ERCC6L2: variants seen among roughly 807,000 people sequenced by gnomAD.
ERCC6L2 encodes ERCC excision repair 6 like 2.
A neutral mutation model predicts 132.0 loss-of-function variants in ERCC6L2; 77 were observed. That is an observed-to-expected ratio of 0.58 (90% CI 0.49 to 0.71). The LOEUF (loss-of-function observed/expected upper bound fraction) is 0.71, where lower values mean the gene tolerates loss of function less well. Among genes scored for constraint, ERCC6L2 ranks in the 30% least tolerant of loss-of-function variants. The pLI is 0.00. For synonymous variants in ERCC6L2, 583 were observed against 632.4 expected (o/e 0.92, Z 1.17); for missense variants, 1,542 against 1,837.6 (o/e 0.84, Z 2.94).
chr9:95,928,018 T>C (rs1292698917), intron 9 of ERCC6L2, 61 bp from the exon 10 acceptor site: 2 of 1,058,272 alleles, frequency 1.9e-6, no homozygotes, highest in East Asian at 2.4e-5. Flanking sequence ...GTGATGTTTA[T>C]ATGTATAAAG....
intron 2 of ERCC6L2, among the ~76,000 whole-genome samples, chr9:95,893,345 C>T (rs879224220): frequency 2.0e-5 from 3 of 152,182 alleles, no homozygotes; most frequent in Admixed American, 2.0e-4. Flanking sequence ...TTTCTGTGTT[C>T]TGTGTGCTAA....
At chr9:96,006,147 A>G (rs1356456392) in intron 18 of ERCC6L2, among the ~76,000 whole-genome samples, 5 of 152,208 alleles carry the variant, frequency 3.3e-5, no homozygotes, top group Admixed American at 3.3e-4. Flanking sequence ...TCATCAGCAT[A>G]GAGTTTATAA....
rs2133080742 is a variant in ERCC6L2, at chr9:95,972,484, TG to T, written c.2734del (p.Glu912ArgfsTer8). 3 of 1,289,742 alleles carry T rather than the reference TG, an allele frequency of 2.3e-6. No homozygotes were observed. The South Asian group carries it at 3.7e-5, about 16-fold the overall frequency. The allele number at this position is 1,289,742 out of a possible 1,614,324, so 79.9% of individuals were successfully genotyped here. The part of the protein sequence containing the change: ...DVICPTQYTT[E>X]RFPDNSIRFK... The stretch of plus-strand genomic sequence containing the variant: ...TCATCTGTCCTACACAATACACAAC[TG>T]AGAGATTCCCCGACAATAGTATAAG... On this transcript the variant is annotated frameshift_variant, in exon 16 of 19. Transcript: ENST00000653738. LOFTEE classifies it high-confidence loss of function.
chr9:95,945,964 A>G lies in ERCC6L2; in HGVS notation c.1847+4415A>G, dbSNP rs933708061. Among the ~76,000 whole-genome samples, 9 of 152,192 alleles carry G rather than the reference A, an allele frequency of 5.9e-5. 1 individual carries two copies. Among genetic ancestry groups the G allele is most frequent in the Admixed American group, 5.2e-4 (8 of 15,280 alleles). On this transcript the variant is annotated intron_variant, in intron 12 of 18. Coordinates refer to ENST00000653738, the MANE Select transcript of ERCC6L2 (RefSeq NM_020207.7). ...GACTCAGGTTTATGCTTATTATGAAACATATATGTAAATAAAAAAGACACA... is the reference window on the plus strand; with the variant it reads ...GACTCAGGTTTATGCTTATTATGAAGCATATATGTAAATAAAAAAGACACA...
intron 12 of ERCC6L2, among the ~76,000 whole-genome samples, chr9:95,942,914 A>G (rs1187235501): frequency 6.6e-6 from 1 of 152,194 alleles, no homozygotes; most frequent in Non-Finnish European, 1.5e-5. Context: ...GATTTATAAA[A>G]ACTGCAACAA....
At position 95,881,225 on chromosome 9, in the gene ERCC6L2, T is replaced by C; in HGVS notation, c.403T>C (p.Tyr135His). 6.2e-7 allele frequency: 1 copy of C among 1,603,854 alleles called. No homozygotes were observed. Residue 135 changes from tyrosine (Y) to histidine (H), a missense_variant, in exon 2 of 19, where the codon TAT becomes CAT. Physicochemically the swap from Tyr to His is moderately conservative, Grantham distance 83. Transcript: ENST00000653738. ...DYQREGTRFLYGHYIHGGGCI... is the reference protein window; with the variant it reads ...DYQREGTRFLHGHYIHGGGCI... ...CCAAAGAGAAGGAACCCGGTTTCTT[T>C]ATGGACACTACATCCATGGAGGAGG...
At chr9:95,947,852 T>C (rs1445324211) in intron 12 of ERCC6L2, among the ~76,000 whole-genome samples, 1 of 152,164 alleles carries the variant, frequency 6.6e-6, no homozygotes, top group Non-Finnish European at 1.5e-5. Flanking sequence ...CTGAATATTT[T>C]AATCCCACTG....
intron 2 of ERCC6L2, among the ~76,000 whole-genome samples, chr9:95,889,009 G>T (rs1828021201): frequency 6.6e-6 from 1 of 152,088 alleles, no homozygotes; most frequent in Non-Finnish European, 1.5e-5. Context: ...TCGGGGGTGG[G>T]TGGATAAGTA....
chr9:95,956,077 C>A, intron 13 of ERCC6L2, 64 bp downstream of exon 13: 1 of 882,346 alleles, frequency 1.1e-6, no homozygotes, highest in Non-Finnish European at 1.7e-6. Context: ...AAATTAGGAA[C>A]AAATTTGTGT....
At chr9:95,940,056 G>GTTGTC (rs1830727465) in intron 11 of ERCC6L2, among the ~76,000 whole-genome samples, 1 of 152,170 alleles carries the variant, frequency 6.6e-6, no homozygotes, top group African/African-American at 2.4e-5. Flanking sequence ...TGACACCATG[G>GTTGTC]AGGGAGACCC....
chr9:95,878,495 T>TTTAAA (rs1458304425), intron 1 of ERCC6L2, among the ~76,000 whole-genome samples: 4 of 150,142 alleles, frequency 2.7e-5, no homozygotes, highest in Non-Finnish European at 5.9e-5. Flanking sequence ...TTTGTTTTTT[T>TTTAAA]TTAAATGCCA....
intron 12 of ERCC6L2, among the ~76,000 whole-genome samples, chr9:95,946,692 A>C (rs1255206545): frequency 6.6e-6 from 1 of 152,166 alleles, no homozygotes; most frequent in Admixed American, 6.5e-5. Context: ...CCTTGTTTAC[A>C]AATTGAAGGT....
intron 1 of ERCC6L2, among the ~76,000 whole-genome samples, chr9:95,879,890 T>A (rs1190021750): frequency 1.2e-4 from 19 of 152,222 alleles, no homozygotes; most frequent in Non-Finnish European, 1.3e-4. Context: ...AGTGTTCTTA[T>A]GTTTGTAGCC....
intron 19 of ERCC6L2, among the ~76,000 whole-genome samples, chr9:96,032,382 T>C (rs1222862289): frequency 6.6e-6 from 1 of 152,196 alleles, no homozygotes; most frequent in Non-Finnish European, 1.5e-5. Context: ...TTCCGCAGCC[T>C]CCTTGCGCCT....
At chr9:95,898,342 C>G (rs1016024497) in intron 3 of ERCC6L2, among the ~76,000 whole-genome samples, 1 of 151,918 alleles carries the variant, frequency 6.6e-6, no homozygotes, top group Non-Finnish European at 1.5e-5. Context: ...AATGAAAAGG[C>G]GATAGTTACA....
intron 19 of ERCC6L2, among the ~76,000 whole-genome samples, chr9:96,038,641 C>A (rs191988926): frequency 1.3e-5 from 2 of 152,194 alleles, no homozygotes; most frequent in South Asian, 4.1e-4. Flanking sequence ...GTGAAGGCTT[C>A]GCAAGGCAGC....
intron 1 of ERCC6L2, 157 bp downstream of exon 1, chr9:95,876,241 C>T (rs1047224940): frequency 4.8e-6 from 3 of 620,548 alleles, no homozygotes; most frequent in Admixed American, 3.1e-5. Flanking sequence ...AACCAAATCT[C>T]CGATTCAGTG....
intron 18 of ERCC6L2, among the ~76,000 whole-genome samples, chr9:96,005,671 A>G (rs1001775258): frequency 1.3e-5 from 2 of 151,738 alleles, no homozygotes; most frequent in African/African-American, 4.8e-5. Context: ...GAGGGTAGGG[A>G]CGCAGGTGGG....
intron 11 of ERCC6L2, among the ~76,000 whole-genome samples, chr9:95,937,044 G>A (rs1032811611): frequency 3.3e-5 from 5 of 152,164 alleles, no homozygotes; most frequent in Non-Finnish European, 7.4e-5. Context: ...CATCTGGGTT[G>A]TTTCCAGTTT....
Sources: gnomAD v4.1 joint callset for allele counts (sites outside exome capture counted in the v4.1 genomes callset) on GRCh38, gnomAD v4.1.1 for gene constraint, MANE v1.5 for transcripts, NCBI Gene and HGNC (gene_info 2026-07-23, HGNC 2026-07-21) for gene names.